KCNH5: variants seen among roughly 807,000 people sequenced by gnomAD.
KCNH5 encodes potassium voltage-gated channel subfamily H member 5, also known as voltage-gated delayed rectifier potassium channel KCNH5.
A neutral mutation model predicts 96.1 loss-of-function variants in KCNH5; 46 were observed. That is an observed-to-expected ratio of 0.48 (90% confidence interval 0.38 to 0.61). The LOEUF (loss-of-function observed/expected upper bound fraction) is 0.61, where lower values mean the gene tolerates loss of function less well. KCNH5 is among the 20% of genes least tolerant of loss of function. The pLI, the probability that KCNH5 is intolerant of heterozygous loss-of-function variation, is 0.00. For missense variants in KCNH5, 907 were observed against 1,225.8 expected (o/e 0.74, Z 3.88); for synonymous variants, 439 against 449.8 (o/e 0.98, Z 0.30).
chr14:62,754,910 A>AG (rs1042655292), intron 10 of KCNH5, among the ~76,000 whole-genome samples: 2 of 149,476 alleles, frequency 1.3e-5, no homozygotes, highest in African/African-American at 4.9e-5. Flanking sequence ...AAAATAAAAT[A>AG]AAATAGAAAT....
intron 9 of KCNH5, among the ~76,000 whole-genome samples, chr14:62,799,967 A>G (rs2355735): frequency 0.99 from 147,519 of 149,708 alleles, 72,719 homozygotes; most frequent in South Asian, 1. Flanking sequence ...AGAGGAGGAG[A>G]AAGAAAAGGA....
intron 6 of KCNH5, among the ~76,000 whole-genome samples, chr14:62,970,128 T>G (rs1594651977): frequency 6.7e-6 from 1 of 148,830 alleles, no homozygotes; most frequent in East Asian, 2.0e-4. Context: ...AAGATACAAA[T>G]TACTAATATT....
chr14:63,016,492 G>A (rs993186273), intron 2 of KCNH5, among the ~76,000 whole-genome samples: 1 of 151,986 alleles, frequency 6.6e-6, no homozygotes, highest in African/African-American at 2.4e-5. Context: ...TGTTCCAGAG[G>A]TGCTGTAGAT....
At chr14:62,946,839 T>A (rs1350109182) in intron 7 of KCNH5, among the ~76,000 whole-genome samples, 1 of 152,152 alleles carries the variant, frequency 6.6e-6, no homozygotes, top group Non-Finnish European at 1.5e-5. Flanking sequence ...ACATTTTACA[T>A]AATTTAATTT....
intron 1 of KCNH5, among the ~76,000 whole-genome samples, chr14:63,036,919 A>C (rs1263440757): frequency 1.3e-5 from 2 of 152,182 alleles, no homozygotes; most frequent in African/African-American, 4.8e-5. Flanking sequence ...AAAGATCTTA[A>C]GATTTACGAG....
intron 10 of KCNH5, among the ~76,000 whole-genome samples, chr14:62,756,728 G>A (rs1027636310): frequency 2.0e-5 from 3 of 152,092 alleles, no homozygotes; most frequent in African/African-American, 7.2e-5. Context: ...AAATTGTGCT[G>A]GGAAAACTGG....
At position 62,771,579 on chromosome 14, in the gene KCNH5, C is replaced by T. The variant is rs1377681819; in HGVS notation, c.2019+8149G>A. ...GGCAGAGCTTGCAGTGAGCCGAGAT[C>T]GTGCCACTGCACTCCAGCCTGGGTG... On this transcript the variant is annotated intron_variant, in intron 10 of 10. Coordinates refer to ENST00000322893, the MANE Select transcript of KCNH5 (RefSeq NM_139318.5). 2.0e-5 allele frequency among the ~76,000 whole-genome samples: 3 copies of T among 152,058 alleles called. 1 individual carries two copies.
At position 62,702,238 on chromosome 14, in the gene KCNH5, T is replaced by TGGGACA. The variant is rs1212196368; in HGVS notation, c.*5264_*5269dup. The TGGGACA allele has an allele frequency of 2.0e-5, 3 of 152,090 alleles. No homozygotes were observed. The East Asian group carries it at 5.8e-4, about 29-fold the overall frequency. The allele number at this position is 152,090 out of a possible 1,614,324, so 9.4% of individuals were successfully genotyped here. Reference sequence around the variant, plus strand: ...GAGAAGTAAAGGAAAATTCCACTGTTGGGACAGGGCACCTTTTGCTTAAGA... The same window carrying TGGGACA: ...GAGAAGTAAAGGAAAATTCCACTGTTGGGACAGGGACAGGGCACCTTTTGCTTAAGA... On this transcript the variant is annotated 3_prime_UTR_variant, in exon 11 of 11. Coordinates refer to ENST00000322893, the MANE Select transcript of KCNH5 (RefSeq NM_139318.5).
intron 10 of KCNH5, among the ~76,000 whole-genome samples, chr14:62,744,929 C>G (rs1408371993): frequency 6.6e-6 from 1 of 152,154 alleles, no homozygotes; most frequent in Non-Finnish European, 1.5e-5. Context: ...ACCTTCCAAT[C>G]TGAAGGACTG....
chr14:62,727,448 A>G (rs1878341552), intron 10 of KCNH5, among the ~76,000 whole-genome samples: 1 of 152,152 alleles, frequency 6.6e-6, no homozygotes, highest in South Asian at 2.1e-4. Flanking sequence ...AGCTTCTGAC[A>G]TGTTTCCTGT....
chr14:62,744,455 G>T (rs945543049), intron 10 of KCNH5, among the ~76,000 whole-genome samples: 1 of 152,086 alleles, frequency 6.6e-6, no homozygotes, highest in Admixed American at 6.6e-5. Flanking sequence ...ATTAAGGTGG[G>T]CACTCAAATT....
intron 6 of KCNH5, among the ~76,000 whole-genome samples, chr14:62,976,812 G>C (rs903407456): frequency 1.3e-5 from 2 of 152,158 alleles, no homozygotes; most frequent in African/African-American, 4.8e-5. Flanking sequence ...GAATATTATA[G>C]CTAGCTTAAC....
chr14:62,758,120 G>C (rs1407244363), intron 10 of KCNH5, among the ~76,000 whole-genome samples: 1 of 149,928 alleles, frequency 6.7e-6, no homozygotes, highest in Non-Finnish European at 1.5e-5. Context: ...ACTCCAGCTT[G>C]GTGACAGAGC....
At chr14:62,979,338 GA>G (rs1354282403) in intron 6 of KCNH5, among the ~76,000 whole-genome samples, 1 of 151,740 alleles carries the variant, frequency 6.6e-6, no homozygotes, top group Admixed American at 6.6e-5. Flanking sequence ...TCAAAACTTG[GA>G]AAATGAATTA....
At chr14:62,884,149 A>G (rs1888547735) in intron 7 of KCNH5, among the ~76,000 whole-genome samples, 1 of 152,346 alleles carries the variant, frequency 6.6e-6, no homozygotes, top group Admixed American at 6.5e-5. Context: ...TAGTGAAATT[A>G]TAATAAAACT....
At chr14:62,710,283 G>C (rs2139901740) in intron 10 of KCNH5, among the ~76,000 whole-genome samples, 1 of 152,292 alleles carries the variant, frequency 6.6e-6, no homozygotes, top group South Asian at 2.1e-4. Flanking sequence ...TTCAGTAACT[G>C]TCTGTAAAGG....
chr14:62,890,193 A>G (rs572452854), intron 7 of KCNH5, among the ~76,000 whole-genome samples: 2 of 152,318 alleles, frequency 1.3e-5, no homozygotes, highest in South Asian at 4.1e-4. Flanking sequence ...TGACAAAGAC[A>G]CCAAAAGCAA....
intron 2 of KCNH5, among the ~76,000 whole-genome samples, chr14:63,015,219 G>A (rs1891304164): frequency 6.6e-6 from 1 of 151,992 alleles, no homozygotes; most frequent in Non-Finnish European, 1.5e-5. Flanking sequence ...CTAAGCTGTT[G>A]GTTAAAAATA....
At chr14:62,800,077 T>A (rs969876959) in intron 9 of KCNH5, among the ~76,000 whole-genome samples, 1 of 151,778 alleles carries the variant, frequency 6.6e-6, no homozygotes, top group Admixed American at 6.6e-5. Flanking sequence ...CATTAAAGCA[T>A]TTTGTATGTT....
Sources: allele counts gnomAD v4.1 joint callset (sites outside exome capture counted in the v4.1 genomes callset), GRCh38; gene constraint gnomAD v4.1.1; transcripts MANE v1.5; gene names NCBI Gene and HGNC (gene_info 2026-07-23, HGNC 2026-07-21).